HDAC9: variants seen among roughly 807,000 people sequenced by gnomAD.
HDAC9 encodes histone deacetylase 9.
HDAC9 carries 41 observed loss-of-function variants against 139.4 expected under a neutral mutation model. The observed-to-expected ratio is 0.29, with a 90% CI of 0.23 to 0.38. The LOEUF is 0.38. Among genes scored for constraint, HDAC9 ranks in the 10% least tolerant of loss-of-function variants. HDAC9 has a pLI of 1.00. For missense variants in HDAC9, 1,147 were observed against 1,297.0 expected, an observed-to-expected ratio of 0.88 and a Z score of 1.78; for synonymous variants, 517 against 476.2, an observed-to-expected ratio of 1.09 and a Z score of -1.12.
chr7:18,796,244 A>G (rs1792791369), intron 17 of HDAC9, among the ~76,000 whole-genome samples: 1 of 152,220 alleles, frequency 6.6e-6, no homozygotes, highest in Non-Finnish European at 1.5e-5. Flanking sequence ...ATGAGGACCT[A>G]AAAGATAAGA....
At chr7:18,878,796 A>G (rs970930253) in intron 22 of HDAC9, among the ~76,000 whole-genome samples, 2 of 151,470 alleles carry the variant, frequency 1.3e-5, no homozygotes, top group African/African-American at 4.9e-5. Flanking sequence ...AACACACTTT[A>G]GAAATCCTAG....
At chr7:18,872,006 T>G (rs1798958559) in intron 21 of HDAC9, among the ~76,000 whole-genome samples, 1 of 152,158 alleles carries the variant, frequency 6.6e-6, no homozygotes, top group Admixed American at 6.6e-5. Flanking sequence ...ACCTTACCAA[T>G]GTCACCCTCC....
intron 1 of HDAC9, among the ~76,000 whole-genome samples, chr7:18,328,089 G>A (rs1205021831): frequency 6.6e-6 from 1 of 151,880 alleles, no homozygotes; most frequent in East Asian, 1.9e-4. Flanking sequence ...GCTTTTTTTG[G>A]AGTTCATTAC....
At chr7:18,333,693 CA>C (rs1220334615) in intron 1 of HDAC9, among the ~76,000 whole-genome samples, 14 of 151,112 alleles carry the variant, frequency 9.3e-5, no homozygotes, top group Non-Finnish European at 2.1e-4. Flanking sequence ...CAAACAACAA[CA>C]AAAAACCCCA....
chr7:18,207,389 T>C (rs1303970733), intron 2 of HDAC9, among the ~76,000 whole-genome samples: 1 of 151,958 alleles, frequency 6.6e-6, no homozygotes, highest in African/African-American at 2.4e-5. Flanking sequence ...TGCAATTTTG[T>C]TTTGATTCAT....
rs1236574476 is a variant in HDAC9 at position 18,732,951 on chromosome 7, G to GTA, written c.1909+5196_1909+5197dup. Among the ~76,000 whole-genome samples, 3 of 102,750 alleles carry GTA rather than the reference G, an allele frequency of 2.9e-5. 1 individual carries two copies. In the East Asian group the frequency reaches 7.6e-4, roughly 26 times the overall value. The allele number at this position is 102,750 out of a possible 152,430, so 67.4% of individuals were successfully genotyped here. ...TGTGTATGTATGTGTATACACACGT[G>GTA]TATGTGTGTGTATGTGTATATACAC... is the stretch of plus-strand genomic sequence containing the variant. On this transcript the variant is annotated intron_variant, in intron 13 of 25. Transcript: ENST00000686413.
chr7:18,180,025 A>C (rs1358267984), intron 2 of HDAC9, among the ~76,000 whole-genome samples: 1 of 152,078 alleles, frequency 6.6e-6, no homozygotes, highest in East Asian at 1.9e-4. Context: ...CTCTGTCACA[A>C]TTTCCAGATT....
At chr7:18,607,350 A>G (rs577404093) in intron 6 of HDAC9, among the ~76,000 whole-genome samples, 14 of 152,254 alleles carry the variant, frequency 9.2e-5, no homozygotes, top group Non-Finnish European at 1.8e-4. Context: ...TTGGCATTAG[A>G]TGAACAAAGC....
chr7:18,107,676 C>T (rs1021834646), intron 1 of HDAC9, among the ~76,000 whole-genome samples: 1 of 152,178 alleles, frequency 6.6e-6, no homozygotes, highest in Non-Finnish European at 1.5e-5. Context: ...TAAACTGACA[C>T]CTCCCCTAAC....
intron 1 of HDAC9, among the ~76,000 whole-genome samples, chr7:18,133,980 ATT>A (rs1256088263): frequency 3.0e-5 from 4 of 133,714 alleles, no homozygotes; most frequent in Admixed American, 7.6e-5. Flanking sequence ...TCATCCATCT[ATT>A]TTTTTTTTTT....
chr7:18,526,040 G>C (rs1019882747), intron 2 of HDAC9, among the ~76,000 whole-genome samples: 2 of 152,100 alleles, frequency 1.3e-5, no homozygotes, highest in Non-Finnish European at 2.9e-5. Context: ...GAAAGTCACT[G>C]TTTTAGGTAC....
intron 1 of HDAC9, among the ~76,000 whole-genome samples, chr7:18,094,341 A>T (rs1782362533): frequency 6.6e-6 from 1 of 152,214 alleles, no homozygotes; most frequent in Non-Finnish European, 1.5e-5. Flanking sequence ...TAGATTTCCT[A>T]AACTAGATTA....
intron 5 of HDAC9, among the ~76,000 whole-genome samples, chr7:18,592,691 A>G (rs1333401518): frequency 6.6e-6 from 1 of 152,106 alleles, no homozygotes; most frequent in Non-Finnish European, 1.5e-5. Flanking sequence ...GACAGATACC[A>G]TAATGTTTTA....
chr7:18,259,892 T>G (rs1795534642), intron 2 of HDAC9, among the ~76,000 whole-genome samples: 2 of 152,222 alleles, frequency 1.3e-5, no homozygotes, highest in African/African-American at 2.4e-5. Context: ...CCAGTCGTCA[T>G]GACAATATGT....
intron 11 of HDAC9, among the ~76,000 whole-genome samples, chr7:18,651,261 A>G (rs1417520671): frequency 2.0e-5 from 3 of 152,192 alleles, no homozygotes; most frequent in South Asian, 2.1e-4. Context: ...CCCCATTTCC[A>G]TGGATGAACC....
chr7:18,198,900 C>T (rs1790909549), intron 2 of HDAC9, among the ~76,000 whole-genome samples: 1 of 151,966 alleles, frequency 6.6e-6, no homozygotes, highest in Admixed American at 6.6e-5. Context: ...TTATTTTGCC[C>T]CCAGGATCAT....
At chr7:18,803,212 C>CT (rs200393533) in intron 17 of HDAC9, among the ~76,000 whole-genome samples, 3 of 151,668 alleles carry the variant, frequency 2.0e-5, no homozygotes, top group African/African-American at 4.8e-5. Flanking sequence ...ACTTCACTAT[C>CT]TTTTTTTTCC....
At chr7:18,308,393 C>T (rs963376893) in intron 1 of HDAC9, among the ~76,000 whole-genome samples, 17 of 152,270 alleles carry the variant, frequency 1.1e-4, no homozygotes, top group Admixed American at 1.1e-3. Flanking sequence ...AAGGTACACT[C>T]GAACTCTGAT....
At chr7:18,367,242 A>G (rs1784254377) in intron 1 of HDAC9, among the ~76,000 whole-genome samples, 1 of 152,064 alleles carries the variant, frequency 6.6e-6, no homozygotes, top group Non-Finnish European at 1.5e-5. Flanking sequence ...TCAGATGCAT[A>G]GAGAAGGCCA....
Sources: allele counts gnomAD v4.1 joint callset (sites outside exome capture counted in the v4.1 genomes callset), GRCh38; gene constraint gnomAD v4.1.1; transcripts MANE v1.5; gene names NCBI Gene and HGNC (gene_info 2026-07-23, HGNC 2026-07-21).